HECW1: variants seen among roughly 807,000 people sequenced by gnomAD.
HECW1 encodes HECT, C2 and WW domain containing E3 ubiquitin protein ligase 1.
Under a neutral mutation model 182.3 loss-of-function variants are expected in HECW1, and 61 were observed. That is an observed-to-expected ratio of 0.33 (90% CI 0.27 to 0.41). The LOEUF (loss-of-function observed/expected upper bound fraction) is 0.41. Among genes scored for constraint, HECW1 ranks in the 10% least tolerant of loss-of-function variants. The probability of loss-of-function intolerance (pLI) is 1.00; values close to 1 mark genes in which losing one functional copy is unlikely to be tolerated. For synonymous variants in HECW1, 859 were observed against 832.6 expected, an observed-to-expected ratio of 1.03 and a Z score of -0.55; for missense variants, 1,739 against 2,108.9, an observed-to-expected ratio of 0.82 and a Z score of 3.44.
At chr7:43,365,186 C>T (rs893513004) in intron 6 of HECW1, among the ~76,000 whole-genome samples, 3 of 152,220 alleles carry the variant, frequency 2.0e-5, no homozygotes, top group Admixed American at 6.5e-5. Context: ...CCTGCAGTGC[C>T]GGAGACTCTG....
At chr7:43,213,626 TAGTAG>T (rs1796193605) in intron 2 of HECW1, among the ~76,000 whole-genome samples, 2 of 151,826 alleles carry the variant, frequency 1.3e-5, no homozygotes, top group Non-Finnish European at 2.9e-5. Context: ...TTTGTATTTT[TAGTAG>T]AGGTGGGGTT....
intron 2 of HECW1, among the ~76,000 whole-genome samples, chr7:43,183,497 T>C (rs1351067313): frequency 6.6e-6 from 1 of 152,228 alleles, no homozygotes; most frequent in Non-Finnish European, 1.5e-5. Flanking sequence ...ATTTAAAACC[T>C]GACAATTTTT....
chr7:43,121,717 C>A (rs1254770210), intron 2 of HECW1: 3 of 152,050 alleles, frequency 2.0e-5, no homozygotes, highest in Non-Finnish European at 4.4e-5. Flanking sequence ...CACTCAGTTT[C>A]CTAATAGGAT....
intron 16 of HECW1, among the ~76,000 whole-genome samples, chr7:43,469,596 T>A (rs1030195037): frequency 6.6e-6 from 1 of 152,168 alleles, no homozygotes; most frequent in Non-Finnish European, 1.5e-5. Context: ...CAGGGTGGGG[T>A]GTGCTAGGCC....
chr7:43,327,597 G>T (rs185244040), intron 5 of HECW1, among the ~76,000 whole-genome samples: 1 of 151,952 alleles, frequency 6.6e-6, no homozygotes, highest in Non-Finnish European at 1.5e-5. Flanking sequence ...GTTATACCTC[G>T]TACTCATGTT....
At chr7:43,263,527 A>T (rs1371092898) in intron 3 of HECW1, among the ~76,000 whole-genome samples, 2 of 152,044 alleles carry the variant, frequency 1.3e-5, no homozygotes, top group Non-Finnish European at 2.9e-5. Context: ...TGGCCGGCTA[A>T]TTTTTATATT....
At chr7:43,557,353 G>T (rs17172228) in intron 29 of HECW1, among the ~76,000 whole-genome samples, 1 of 152,190 alleles carries the variant, frequency 6.6e-6, no homozygotes, top group Non-Finnish European at 1.5e-5. Flanking sequence ...AGATGAGAGC[G>T]CCAGACACCG....
intron 6 of HECW1, among the ~76,000 whole-genome samples, chr7:43,392,904 G>A (rs2152835557): frequency 6.6e-6 from 1 of 152,314 alleles, no homozygotes; most frequent in Non-Finnish European, 1.5e-5. Context: ...CTGAATTGCA[G>A]TTTTAGGGGT....
chr7:43,274,250 A>C, intron 3 of HECW1: 1 of 801,088 alleles, frequency 1.2e-6, no homozygotes, highest in Non-Finnish European at 2.0e-6. Flanking sequence ...ACTGCATGCG[A>C]ATCTTTGCGC....
At chr7:43,354,651 C>A (rs1408402183) in intron 5 of HECW1, among the ~76,000 whole-genome samples, 1 of 152,136 alleles carries the variant, frequency 6.6e-6, no homozygotes. Context: ...CAAAGATCAC[C>A]TACAAGACAT....
In HECW1 at chr7:43,267,858, G is replaced by A. The variant is rs575859922; in HGVS notation, c.27+23926G>A. Among the ~76,000 whole-genome samples, 6 of 152,192 alleles carry A rather than the reference G, an allele frequency of 3.9e-5. No individual in the cohort carries two copies. In the South Asian group the frequency reaches 1.0e-3, roughly 26 times the overall value. ...TTCCTTAGAAAATTACCATACTTAA[G>A]AAGTAGAAAATTTCAAAACACTGAA... On this transcript the variant is annotated intron_variant, in intron 3 of 29. Coordinates refer to ENST00000395891, the MANE Select transcript of HECW1 (RefSeq NM_015052.5).
At chr7:43,288,138 C>T (rs1377226017) in intron 3 of HECW1, among the ~76,000 whole-genome samples, 2 of 152,128 alleles carry the variant, frequency 1.3e-5, no homozygotes, top group East Asian at 3.9e-4. Context: ...ATTAACATCT[C>T]TTCTTTCTCT....
chr7:43,201,101 A>G (rs1199161978), intron 2 of HECW1, among the ~76,000 whole-genome samples: 1 of 152,210 alleles, frequency 6.6e-6, no homozygotes, highest in Non-Finnish European at 1.5e-5. Flanking sequence ...GACCGTGGAC[A>G]AAAAGTAACA....
At chr7:43,192,775 T>C (rs1314810165) in intron 2 of HECW1, among the ~76,000 whole-genome samples, 1 of 152,212 alleles carries the variant, frequency 6.6e-6, no homozygotes, top group African/African-American at 2.4e-5. Context: ...GTACATACAT[T>C]TCTATATCCT....
intron 6 of HECW1, among the ~76,000 whole-genome samples, chr7:43,373,973 C>A (rs920337113): frequency 1.3e-5 from 2 of 152,168 alleles, no homozygotes; most frequent in Non-Finnish European, 2.9e-5. Context: ...CCAGAATTTC[C>A]TCCCTTTTTA....
At position 43,422,927 on chromosome 7, in the gene HECW1, C is replaced by CCAAGAGT. The variant is rs1554407784; in HGVS notation, c.802-15075_802-15074insAAGAGTC. Among the ~76,000 whole-genome samples the CCAAGAGT allele has an allele frequency of 1.9e-3, 288 of 151,508 alleles. 1 individual carries two copies. The highest frequency in any genetic ancestry group is 6.8e-3 in the African/African-American group (279 of 41,198). On this transcript the variant is annotated intron_variant, in intron 8 of 29. Transcript: ENST00000395891. Reference sequence around the variant, plus strand: ...CCTGGAGATAAATCGCAGTGCCTGGCCGAGAGTCGTGGTCTCCAGGATTTA... The same window carrying CCAAGAGT: ...CCTGGAGATAAATCGCAGTGCCTGGCCAAGAGTCGAGAGTCGTGGTCTCCAGGATTTA...
chr7:43,470,331 G>A (rs1422968925), intron 16 of HECW1, among the ~76,000 whole-genome samples: 1 of 152,186 alleles, frequency 6.6e-6, no homozygotes, highest in Non-Finnish European at 1.5e-5. Flanking sequence ...TGCTTAACCA[G>A]GATGCCAAGA....
At position 43,507,168 on chromosome 7, in the gene HECW1, C is replaced by T; in HGVS notation, c.3663C>T (p.Ser1221=). The T allele has an allele frequency of 6.2e-7, 1 of 1,614,002 alleles. No homozygotes were observed. Residue 1221 remains serine (S), a synonymous_variant, in exon 22 of 30, where the codon TCC becomes TCT. Coordinates refer to ENST00000395891, the MANE Select transcript of HECW1 (RefSeq NM_015052.5). The part of the protein sequence containing the change: ...GLQRASARAP[S]PYRRDFEAKL... Reference sequence around the variant, plus strand: ...AGAGAGCCAGTGCAAGAGCCCCTTCCCCCTACCGAAGAGACTTTGAGGCCA... The same window carrying T: ...AGAGAGCCAGTGCAAGAGCCCCTTCTCCCTACCGAAGAGACTTTGAGGCCA...
At chr7:43,393,677 CTTT>C (rs199626474) in intron 6 of HECW1, among the ~76,000 whole-genome samples, 2 of 139,228 alleles carry the variant, frequency 1.4e-5, no homozygotes. Context: ...TTTTCTTCTT[CTTT>C]TTTTTTTTTC....
Sources: allele counts gnomAD v4.1 joint callset (sites outside exome capture counted in the v4.1 genomes callset), GRCh38; gene constraint gnomAD v4.1.1; transcripts MANE v1.5; gene names NCBI Gene and HGNC (gene_info 2026-07-23, HGNC 2026-07-21).